UNC5C: variants seen among roughly 807,000 people sequenced by gnomAD.
UNC5C encodes netrin receptor UNC5C.
UNC5C carries 47 observed loss-of-function variants against 99.8 expected under a neutral mutation model. The observed-to-expected ratio is 0.47, with a 90% confidence interval of 0.37 to 0.60. The LOEUF is 0.60. Among genes scored for constraint, UNC5C ranks in the 20% least tolerant of loss-of-function variants. UNC5C has a pLI of 0.00. For synonymous variants in UNC5C, 487 were observed against 452.2 expected, an observed-to-expected ratio of 1.08 and a Z score of -0.98; for missense variants, 1,062 against 1,165.9, an observed-to-expected ratio of 0.91 and a Z score of 1.30.
intron 1 of UNC5C, among the ~76,000 whole-genome samples, chr4:95,435,296 C>A (rs556726507): frequency 7.1e-6 from 1 of 140,808 alleles, no homozygotes; most frequent in African/African-American, 2.6e-5. Flanking sequence ...ACAGAAAAAT[C>A]AAAATGTTGT....
At chr4:95,448,324 A>AC (rs1747181365) in intron 1 of UNC5C, among the ~76,000 whole-genome samples, 2 of 152,042 alleles carry the variant, frequency 1.3e-5, no homozygotes, top group Admixed American at 1.3e-4. Flanking sequence ...TTGTAGCCAC[A>AC]CATGCAACAT....
intron 3 of UNC5C, among the ~76,000 whole-genome samples, chr4:95,290,747 C>CT (rs1184066353): frequency 1.3e-5 from 2 of 152,184 alleles, no homozygotes; most frequent in Non-Finnish European, 2.9e-5. Flanking sequence ...GGACAATCGA[C>CT]TTTGATTTTT....
chr4:95,172,860 TC>T lies in UNC5C; in HGVS notation c.2452-2529del, dbSNP rs1352963058. Among the ~76,000 whole-genome samples, 53 of 152,198 alleles carry T rather than the reference TC, an allele frequency of 3.5e-4. 1 individual carries two copies. The highest frequency in any genetic ancestry group is 2.8e-4 in the Non-Finnish European group (19 of 68,036). ...TGGCCATTTTCACGATATTGATTCT[TC>T]CTACCCATGAGCATGGAATGTTGTT... is the stretch of plus-strand genomic sequence containing the variant. On this transcript the variant is annotated intron_variant, in intron 14 of 15. Transcript: ENST00000453304.
rs373866074 is a variant in UNC5C at position 95,328,788 on chromosome 4, GT to G, written c.346+6621del. 4.3e-3 allele frequency among the ~76,000 whole-genome samples: 658 copies of G among 152,150 alleles called. 5 individuals carry two copies. The highest frequency in any genetic ancestry group is 0.015 in the African/African-American group (626 of 41,514). On this transcript the variant is annotated intron_variant, in intron 2 of 15. Coordinates refer to ENST00000453304, the MANE Select transcript of UNC5C (RefSeq NM_003728.4). ...TGGTGTGAGATGATATCTCATAGTG[GT>G]TTTGATTTATGATACCAAAGCCGGG...
In UNC5C at chr4:95,169,229, G is replaced by T. The variant is rs759969275; in HGVS notation, c.*5C>A. On this transcript the variant is annotated 3_prime_UTR_variant, in exon 16 of 16. Coordinates refer to ENST00000453304, the MANE Select transcript of UNC5C (RefSeq NM_003728.4). ...TGTCCTTCATTTCCCCTTCCAGCATGGTGGTTAATACTGCCCTTCTGCTGC... is the reference window on the plus strand; with the variant it reads ...TGTCCTTCATTTCCCCTTCCAGCATTGTGGTTAATACTGCCCTTCTGCTGC... 3 of 1,613,362 alleles carry T rather than the reference G, an allele frequency of 1.9e-6. No individual in the cohort carries two copies. The highest frequency in any genetic ancestry group is 1.1e-5 in the South Asian group (1 of 90,944).
intron 1 of UNC5C, among the ~76,000 whole-genome samples, chr4:95,522,830 T>C (rs1722394895): frequency 6.6e-6 from 1 of 152,224 alleles, no homozygotes; most frequent in Non-Finnish European, 1.5e-5. Flanking sequence ...GTATTCTATG[T>C]CACATGTTCT....
At chr4:95,532,111 G>A (rs890586367) in intron 1 of UNC5C, among the ~76,000 whole-genome samples, 1 of 152,166 alleles carries the variant, frequency 6.6e-6, no homozygotes, top group East Asian at 1.9e-4. Flanking sequence ...CACATCAATT[G>A]TCTGGGGTTT....
chr4:95,405,564 A>T (rs1167916352), intron 1 of UNC5C, among the ~76,000 whole-genome samples: 1 of 152,166 alleles, frequency 6.6e-6, no homozygotes, highest in Non-Finnish European at 1.5e-5. Flanking sequence ...ACCTGTGCCT[A>T]TATTAAGCGC....
At chr4:95,192,451 T>C (rs1315156006) in intron 12 of UNC5C, among the ~76,000 whole-genome samples, 6 of 88,952 alleles carry the variant, frequency 6.7e-5, no homozygotes, top group African/African-American at 1.4e-4. Flanking sequence ...CCCCTTCTCA[T>C]CTCCTTCCCT....
intron 4 of UNC5C, among the ~76,000 whole-genome samples, chr4:95,260,248 C>T (rs551129900): frequency 1.6e-4 from 25 of 152,276 alleles, no homozygotes; most frequent in African/African-American, 5.8e-4. Flanking sequence ...AACAAAAAAA[C>T]CCCAAAGTAG....
chr4:95,350,704 A>T (rs1410246473), intron 1 of UNC5C, among the ~76,000 whole-genome samples: 1 of 152,188 alleles, frequency 6.6e-6, no homozygotes, highest in Non-Finnish European at 1.5e-5. Context: ...AATATAGAAT[A>T]ATCTAATAAA....
intron 10 of UNC5C, among the ~76,000 whole-genome samples, chr4:95,209,299 CTG>C (rs1737993465): frequency 6.6e-6 from 1 of 152,182 alleles, no homozygotes; most frequent in South Asian, 2.1e-4. Flanking sequence ...ACGCATAAAA[CTG>C]TAGCAGCTAA....
Position 95,169,105 on chromosome 4 carries a change from G to C in UNC5C, c.*129C>G. ...GGCAGTTGTATCTGTTTTCCTTCTG[G>C]CTCCTGCTGCAGTCTTGCCTGTGAA... is the stretch of plus-strand genomic sequence containing the variant. On this transcript the variant is annotated 3_prime_UTR_variant, in exon 16 of 16. Coordinates refer to ENST00000453304, the MANE Select transcript of UNC5C (RefSeq NM_003728.4). The C allele has an allele frequency of 8.6e-7, 1 of 1,168,648 alleles. No homozygotes were observed. Among genetic ancestry groups the C allele is most frequent in the South Asian group, 1.5e-5 (1 of 64,808 alleles). The allele number at this position is 1,168,648 out of a possible 1,614,324, so 72.4% of individuals were successfully genotyped here.
At chr4:95,447,640 A>G (rs1277931263) in intron 1 of UNC5C, among the ~76,000 whole-genome samples, 1 of 152,128 alleles carries the variant, frequency 6.6e-6, no homozygotes, top group African/African-American at 2.4e-5. Flanking sequence ...AGCTGGGATT[A>G]CAGGTGCCTG....
intron 1 of UNC5C, among the ~76,000 whole-genome samples, chr4:95,351,355 G>A (rs1362892261): frequency 6.8e-6 from 1 of 147,800 alleles, no homozygotes; most frequent in African/African-American, 2.5e-5. Flanking sequence ...AATTTGCATT[G>A]TGGTTCTTAA....
chr4:95,203,150 GAA>G (rs751825517), intron 11 of UNC5C, among the ~76,000 whole-genome samples, 186 bp from the exon 12 acceptor site: 9 of 152,132 alleles, frequency 5.9e-5, no homozygotes, highest in Non-Finnish European at 8.8e-5. Flanking sequence ...TTTACACTGA[GAA>G]TATTTATTTA....
At chr4:95,179,995 T>C (rs914054368) in intron 14 of UNC5C, among the ~76,000 whole-genome samples, 2 of 121,218 alleles carry the variant, frequency 1.6e-5, no homozygotes, top group Non-Finnish European at 3.8e-5. Flanking sequence ...GAAACCTCAA[T>C]TGATGACAGA....
intron 4 of UNC5C, 62 bp downstream of exon 4, chr4:95,278,197 T>G: frequency 7.4e-7 from 1 of 1,347,316 alleles, no homozygotes; most frequent in Non-Finnish European, 1.1e-6. Flanking sequence ...TAGCCATGGA[T>G]TAGGCCTCTG....
chr4:95,491,369 C>A (rs903975049), intron 1 of UNC5C, among the ~76,000 whole-genome samples: 1 of 151,560 alleles, frequency 6.6e-6, no homozygotes, highest in Non-Finnish European at 1.5e-5. Flanking sequence ...GGATAAGAAA[C>A]ATTTGGTGTT....
Sources: allele counts gnomAD v4.1 joint callset (sites outside exome capture counted in the v4.1 genomes callset), GRCh38; gene constraint gnomAD v4.1.1; transcripts MANE v1.5; gene names NCBI Gene and HGNC (gene_info 2026-07-23, HGNC 2026-07-21).